Variants in ABLIM2 observed in about 807,000 individuals in gnomAD.
ABLIM2 encodes actin binding LIM protein family member 2.
A neutral mutation model predicts 97.7 loss-of-function variants in ABLIM2; 53 were observed. The ratio of observed to expected loss-of-function variants is 0.54; its 90% CI spans 0.44 to 0.68. The LOEUF is 0.68. ABLIM2 is among the 30% of genes least tolerant of loss of function. ABLIM2 has a pLI of 0.00. For synonymous variants in ABLIM2, 361 were observed against 345.8 expected (o/e 1.04, Z -0.49); for missense variants, 835 against 867.2 (o/e 0.96, Z 0.47).
intron 12 of ABLIM2, among the ~76,000 whole-genome samples, chr4:8,024,853 T>C (rs1251687204): frequency 1.3e-5 from 2 of 152,156 alleles, no homozygotes; most frequent in South Asian, 2.1e-4. Flanking sequence ...GGGAGTCTAG[T>C]AGGGGCAGAG....
At position 8,150,449 on chromosome 4, in the gene ABLIM2, G is replaced by A. The variant is rs73077923; in HGVS notation, c.10+8231C>T. Among the ~76,000 whole-genome samples, 52 of 152,308 alleles carry A rather than the reference G, an allele frequency of 3.4e-4. No individual in the cohort carries two copies. Among genetic ancestry groups the A allele is most frequent in the African/African-American group, 1.2e-3 (51 of 41,568 alleles). On this transcript the variant is annotated intron_variant, in intron 1 of 20. Transcript: ENST00000447017. The surrounding 1 kb of genome is among the most constrained non-coding windows in gnomAD (Gnocchi z 6.3). ...GCCCCATCGTGCCCTGAGGACAGAC[G>A]CCAGCGAGGACAGAGGCAGCATGCT...
intron 7 of ABLIM2, among the ~76,000 whole-genome samples, chr4:8,055,946 C>G (rs1038482371): frequency 3.9e-5 from 6 of 151,900 alleles, no homozygotes; most frequent in Non-Finnish European, 7.4e-5. Context: ...AACCCCATCT[C>G]TATCAAAAAT....
At position 8,046,276 on chromosome 4, in the gene ABLIM2, G is replaced by A. The variant is rs1792353427; in HGVS notation, c.823-1035C>T. ...GCCCTGCGGACACACTCCTTCTGTGGTCCCCACACCTCTGGCTGCACCTGC... is the reference window on the plus strand; with the variant it reads ...GCCCTGCGGACACACTCCTTCTGTGATCCCCACACCTCTGGCTGCACCTGC... On this transcript the variant is annotated intron_variant, in intron 8 of 20. Coordinates refer to ENST00000447017, the MANE Select transcript of ABLIM2 (RefSeq NM_001130083.2). The surrounding 1 kb of genome is among the most constrained non-coding windows in gnomAD (Gnocchi z 4.4). Among the ~76,000 whole-genome samples, 1 of 151,906 alleles carries A rather than the reference G, an allele frequency of 6.6e-6. No homozygotes were observed. The highest frequency in any genetic ancestry group is 1.5e-5 in the Non-Finnish European group (1 of 67,952).
At position 7,994,097 on chromosome 4, in the gene ABLIM2, T is replaced by TAA; in HGVS notation, c.1619-1171_1619-1170insTT. 3.9e-5 allele frequency among the ~76,000 whole-genome samples: 2 copies of TAA among 51,388 alleles called. 1 individual carries two copies. Among genetic ancestry groups the TAA allele is most frequent in the Admixed American group, 4.5e-4 (2 of 4,488 alleles). The allele number at this position is 51,388 out of a possible 152,430, so 33.7% of individuals were successfully genotyped here. ...GAAGCATTCTTTTTTTTTTTTTTTT[T>TAA]TTTTTTTTTTTTTATTATACTCTAA... On this transcript the variant is annotated intron_variant, in intron 16 of 20. Transcript: ENST00000447017.
At chr4:8,144,479 C>T (rs1029843182) in intron 1 of ABLIM2, among the ~76,000 whole-genome samples, 4 of 152,048 alleles carry the variant, frequency 2.6e-5, no homozygotes, top group African/African-American at 4.8e-5. Flanking sequence ...AAATGACTCC[C>T]GCGCTGAGCT....
At chr4:8,142,609 G>T (rs1283198144) in intron 1 of ABLIM2, among the ~76,000 whole-genome samples, 1 of 152,212 alleles carries the variant, frequency 6.6e-6, no homozygotes, top group Admixed American at 6.5e-5. Context: ...GCTCACTGGG[G>T]TCAGCTGCTG....
At chr4:8,156,972 G>A (rs976512701) in intron 1 of ABLIM2, among the ~76,000 whole-genome samples, 1 of 152,188 alleles carries the variant, frequency 6.6e-6, no homozygotes, top group Non-Finnish European at 1.5e-5. Context: ...GATTCAGAGG[G>A]TCTGAGCTGA....
chr4:7,988,044 GCCAGAGTCTCGCTCTGTCAC>G (rs1745809695), intron 17 of ABLIM2, among the ~76,000 whole-genome samples: 1 of 152,178 alleles, frequency 6.6e-6, no homozygotes, highest in Non-Finnish European at 1.5e-5. Flanking sequence ...TTATTTTTGA[GCCAGAGTCTCGCTCTGTCAC>G]CCAGGCTGGA....
At chr4:8,103,593 T>C (rs16841721) in intron 2 of ABLIM2, among the ~76,000 whole-genome samples, 9,224 of 152,296 alleles carry the variant, frequency 0.061, 317 homozygotes, top group Admixed American at 0.085. Flanking sequence ...CTGGAGTCCA[T>C]GGTCACTAAT....
intron 17 of ABLIM2, among the ~76,000 whole-genome samples, chr4:7,991,050 G>A (rs1347364913): frequency 6.6e-6 from 1 of 152,180 alleles, no homozygotes; most frequent in Non-Finnish European, 1.5e-5. Flanking sequence ...TTAGTCTGCA[G>A]GAGAAACATA....
chr4:8,157,040 CT>C (rs1289344072), intron 1 of ABLIM2, among the ~76,000 whole-genome samples: 4 of 152,174 alleles, frequency 2.6e-5, no homozygotes. Flanking sequence ...GTGTGGGGCT[CT>C]TCATGTTGTA....
intron 14 of ABLIM2, among the ~76,000 whole-genome samples, chr4:8,016,041 G>GTTTTTT (rs1333364091): frequency 1.4e-5 from 1 of 73,288 alleles, no homozygotes; most frequent in African/African-American, 8.3e-5. Context: ...TTTTGTTGTT[G>GTTTTTT]TATTTTTTTT....
chr4:8,048,635 G>A (rs903582266), intron 8 of ABLIM2, among the ~76,000 whole-genome samples: 4 of 152,178 alleles, frequency 2.6e-5, no homozygotes, highest in Non-Finnish European at 5.9e-5. Flanking sequence ...CAGCCGGAAC[G>A]GCCCCGCGTT....
rs548303005 is a variant in ABLIM2 at position 8,141,366 on chromosome 4, T to C, written c.10+17314A>G. ...GTTAATTACCAGCCCCTCTTCCTCC[T>C]CGGCAAATCACAGCCACACATGCCT... is the stretch of plus-strand genomic sequence containing the variant. On this transcript the variant is annotated intron_variant, in intron 1 of 20. Transcript: ENST00000447017. Among the ~76,000 whole-genome samples, 4 of 152,282 alleles carry C rather than the reference T, an allele frequency of 2.6e-5. No individual in the cohort carries two copies. The East Asian group carries it at 7.7e-4, about 29-fold the overall frequency.
At chr4:8,011,075 C>T (rs946788081) in intron 14 of ABLIM2, among the ~76,000 whole-genome samples, 28 of 152,062 alleles carry the variant, frequency 1.8e-4, no homozygotes, top group African/African-American at 2.9e-4. Context: ...ACAATTAAGT[C>T]GTCGCTCCAG....
At chr4:8,028,976 G>C (rs565651334) in intron 11 of ABLIM2, among the ~76,000 whole-genome samples, 2 of 152,198 alleles carry the variant, frequency 1.3e-5, no homozygotes, top group South Asian at 4.1e-4. Context: ...AAAATCCCTC[G>C]AAAGGCAGTG....
At chr4:8,142,254 C>A (rs567290014) in intron 1 of ABLIM2, among the ~76,000 whole-genome samples, 131 of 152,312 alleles carry the variant, frequency 8.6e-4, no homozygotes, top group Admixed American at 1.8e-3. Flanking sequence ...ATGGCACTGA[C>A]CCCCACTGCT....
chr4:8,108,910 A>T (rs1838874092), intron 1 of ABLIM2, among the ~76,000 whole-genome samples: 1 of 152,262 alleles, frequency 6.6e-6, no homozygotes, highest in African/African-American at 2.4e-5. Flanking sequence ...CCTTGAGACC[A>T]GGCTGTGGGT....
chr4:8,138,978 C>T (rs1049688241), intron 1 of ABLIM2, among the ~76,000 whole-genome samples: 13 of 152,224 alleles, frequency 8.5e-5, no homozygotes, highest in African/African-American at 2.7e-4. Flanking sequence ...GGGTGGATCA[C>T]CTGAGGTCAG....
Sources: gnomAD v4.1 joint callset for allele counts (sites outside exome capture counted in the v4.1 genomes callset) on GRCh38, gnomAD v4.1.1 for gene constraint, Gnocchi (gnomAD v3.1) non-coding constraint, MANE v1.5 for transcripts, NCBI Gene and HGNC (gene_info 2026-07-23, HGNC 2026-07-21) for gene names.